The following TTYH1 variants were observed in gnomAD, a reference collection of about 807,000 sequenced individuals.
TTYH1 encodes tweety family member 1, also known as protein tweety homolog 1.
Under a neutral mutation model 61.2 loss-of-function variants are expected in TTYH1, and 33 were observed. The ratio of observed to expected loss-of-function variants is 0.54; its 90% CI spans 0.41 to 0.72. TTYH1 has a LOEUF of 0.72. Among genes scored for constraint, TTYH1 ranks in the 30% least tolerant of loss-of-function variants. The pLI is 0.00. For synonymous variants in TTYH1, 308 were observed against 266.4 expected (o/e 1.16, Z -1.52); for missense variants, 538 against 575.8 (o/e 0.93, Z 0.67).
At position 54,416,304 on chromosome 19, in the gene TTYH1, C is replaced by A. The variant is rs2083077260; in HGVS notation, c.126+626C>A. The A allele has an allele frequency of 7.2e-6, 2 of 275,886 alleles. No homozygotes were observed. Among genetic ancestry groups the A allele is most frequent in the Admixed American group, 4.4e-5 (1 of 22,794 alleles). 17.1% of individuals were successfully genotyped at this position (275,886 alleles called of 1,614,324 possible). A position where few individuals can be genotyped will look rare whatever the true frequency, so the allele number is the denominator to read the frequency against. On this transcript the variant is annotated intron_variant, in intron 1 of 13. Transcript: ENST00000376530. The surrounding 1 kb of genome is among the most constrained non-coding windows in gnomAD (Gnocchi z 7.0). ...TGCAGGGGTGAGGGCCGAGATGAGG[C>A]TGGGTTTGGGGAGCCTCGGGATGAC...
intron 10 of TTYH1, 176 bp downstream of exon 10, chr19:54,431,367 TCTAC>T: frequency 1.7e-6 from 1 of 589,976 alleles, no homozygotes; most frequent in African/African-American, 1.9e-5. Context: ...TAACCTGTCG[TCTAC>T]CTACCTATCA....
At chr19:54,428,147 C>T (rs116943388) in intron 5 of TTYH1, among the ~76,000 whole-genome samples, 4,279 of 131,126 alleles carry the variant, frequency 0.033, 88 homozygotes, top group Middle Eastern at 0.099. Context: ...TGGAGTTCAG[C>T]GGCGCGATCT....
chr19:54,423,588 A>C (rs1212486563), intron 4 of TTYH1, among the ~76,000 whole-genome samples: 1 of 152,056 alleles, frequency 6.6e-6, no homozygotes, highest in Non-Finnish European at 1.5e-5. Flanking sequence ...TACTTTGCAG[A>C]CCTCTGCCTT....
At chr19:54,417,843 C>T (rs2083120830) in intron 1 of TTYH1, among the ~76,000 whole-genome samples, 1 of 152,066 alleles carries the variant, frequency 6.6e-6, no homozygotes, top group Non-Finnish European at 1.5e-5. Context: ...CACTCACAGG[C>T]CCAAGGAACT....
rs566678600 is a variant in TTYH1, at chr19:54,425,275, C to T, written c.639-1398C>T. Among the ~76,000 whole-genome samples the T allele has an allele frequency of 3.9e-4, 60 of 152,224 alleles. No individual in the cohort carries two copies. The East Asian group carries it at 0.011, about 27-fold the overall frequency. ...GCAAACAGCAGTGGTGGACGGCGAG[C>T]GAAAGCTCAGCTCAAGCCGTAACAG... On this transcript the variant is annotated intron_variant, in intron 4 of 13. Coordinates refer to ENST00000376530, the MANE Select transcript of TTYH1 (RefSeq NM_020659.4).
At position 54,430,531 on chromosome 19, in the gene TTYH1, TCTC is replaced by T. The variant is rs770095314; in HGVS notation, c.884-11_884-9del. 35 of 1,613,592 alleles carry T rather than the reference TCTC, an allele frequency of 2.2e-5. No individual in the cohort carries two copies. The Admixed American group carries it at 3.8e-4, about 18-fold the overall frequency. On this transcript the variant is annotated splice_polypyrimidine_tract_variant and intron_variant, in intron 7 of 13. Coordinates refer to ENST00000376530, the MANE Select transcript of TTYH1 (RefSeq NM_020659.4). Reference sequence around the variant, plus strand: ...GGCCCAGGCTCATGGCCTCCTCCCCTCTCCTCCTCCCACTTCAGACATCCTGAG... The same window carrying T: ...GGCCCAGGCTCATGGCCTCCTCCCCTCTCCTCCCACTTCAGACATCCTGAG...
In TTYH1 at chr19:54,415,714, G is replaced by A. The variant is rs2122837610; in HGVS notation, c.126+36G>A. On this transcript the variant is annotated intron_variant, in intron 1 of 13. Transcript: ENST00000376530. The surrounding 1 kb of genome is among the most constrained non-coding windows in gnomAD (Gnocchi z 5.2). ...GCGCCAGGGCCTGGGGGCCAGGGCT[G>A]GGGGCCGGAGCTCCTGGGTCCCGAG... The A allele has an allele frequency of 2.7e-6, 4 of 1,502,234 alleles. No homozygotes were observed. The highest frequency in any genetic ancestry group is 1.3e-5 in the South Asian group (1 of 79,502). 93.1% of individuals were successfully genotyped at this position (1,502,234 alleles called of 1,614,324 possible).
Position 54,435,562 on chromosome 19 carries a change from G to A in TTYH1, c.1146G>A (p.Arg382=). The A allele has an allele frequency of 1.9e-6, 3 of 1,606,830 alleles. No individual in the cohort carries two copies. Among genetic ancestry groups the A allele is most frequent in the African/African-American group, 2.7e-5 (2 of 74,960 alleles). The stretch of plus-strand genomic sequence containing the variant: ...CTCAGGACTATGGTGCAGCCCTGCG[G>A]GGCCTGTGCGAAGACGCCCTGGAAG... The part of the protein sequence containing the change: ...SLHKDYGAAL[R]GLCEDALEGL... Residue 382 remains arginine (R), a synonymous_variant, in exon 11 of 14, where the codon CGG becomes CGA. Transcript: ENST00000376530.
Position 54,419,740 on chromosome 19 carries a change from A to C in TTYH1, c.305+434A>C, listed in dbSNP as rs1044912181. Among the ~76,000 whole-genome samples, 1 of 152,146 alleles carries C rather than the reference A, an allele frequency of 6.6e-6. No homozygotes were observed. The highest frequency in any genetic ancestry group is 2.4e-5 in the African/African-American group (1 of 41,420). ...TCTGACTTGCAGCTACTCTCAGCCA[A>C]CATTAACTGGTGATGTCTGTCATTC... On this transcript the variant is annotated intron_variant, in intron 2 of 13. Coordinates refer to ENST00000376530, the MANE Select transcript of TTYH1 (RefSeq NM_020659.4). The surrounding 1 kb of genome is among the most constrained non-coding windows in gnomAD (Gnocchi z 6.1).
Position 54,419,675 on chromosome 19 carries a change from C to G in TTYH1, c.305+369C>G, listed in dbSNP as rs2083166362. 1 of 501,676 alleles carries G rather than the reference C, an allele frequency of 2.0e-6. No homozygotes were observed. The highest frequency in any genetic ancestry group is 1.7e-5 in the South Asian group (1 of 60,366). 31.1% of individuals were successfully genotyped at this position (501,676 alleles called of 1,614,324 possible). A position where few individuals can be genotyped will look rare whatever the true frequency, so the allele number is the denominator to read the frequency against. On this transcript the variant is annotated intron_variant, in intron 2 of 13. Transcript: ENST00000376530. This position sits in a 1 kb window ranked among gnomAD's most constrained non-coding sequence, Gnocchi z 6.1. ...CTGTAAACTGGGCATTATCATCTCG[C>G]CCACCTCCTGCGGGGGTAAGATGGA...
chr19:54,424,894 G>C (rs1027714760), intron 4 of TTYH1, among the ~76,000 whole-genome samples: 1 of 152,066 alleles, frequency 6.6e-6, no homozygotes, highest in Admixed American at 6.6e-5. Flanking sequence ...CTGTTGTTAC[G>C]GCGGGTCCTT....
Position 54,415,575 on chromosome 19 carries a change from G to A in TTYH1, c.23G>A (p.Arg8Gln), listed in dbSNP as rs908744877. 1.1e-5 allele frequency: 16 copies of A among 1,497,824 alleles called. No individual in the cohort carries two copies. Among genetic ancestry groups the A allele is most frequent in the African/African-American group, 1.4e-5 (1 of 69,258 alleles). The allele number at this position is 1,497,824 out of a possible 1,614,324, so 92.8% of individuals were successfully genotyped here. MGAPPGY[R>Q]PSAWVHLLHQ... ...GCCATGGGGGCGCCCCCGGGCTACC[G>A]GCCCTCAGCTTGGGTGCATCTCCTC... Residue 8 changes from arginine (R) to glutamine (Q), a missense_variant, in exon 1 of 14, where the codon CGG (arginine) becomes CAG (glutamine). Coordinates refer to ENST00000376530, the MANE Select transcript of TTYH1 (RefSeq NM_020659.4). This position sits in a 1 kb window ranked among gnomAD's most constrained non-coding sequence, Gnocchi z 5.2.
rs899266089 is a variant in TTYH1 at position 54,415,499 on chromosome 19, C to G, written c.-54C>G. ...CGCGCCGCCCGCGCCCCGCTCGACT[C>G]CGGAGGCTCCCGCAGCCCCGGCGTC... is the stretch of plus-strand genomic sequence containing the variant. On this transcript the variant is annotated 5_prime_UTR_variant, in exon 1 of 14. Transcript: ENST00000376530. This position sits in a 1 kb window ranked among gnomAD's most constrained non-coding sequence, Gnocchi z 5.2. 6.7e-5 allele frequency: 89 copies of G among 1,332,632 alleles called. No individual in the cohort carries two copies. Among genetic ancestry groups the G allele is most frequent in the Non-Finnish European group, 8.1e-5 (85 of 1,047,404 alleles). The allele number at this position is 1,332,632 out of a possible 1,614,324, so 82.6% of individuals were successfully genotyped here. A position where few individuals can be genotyped will look rare whatever the true frequency, so the allele number is the denominator to read the frequency against.
intron 4 of TTYH1, among the ~76,000 whole-genome samples, chr19:54,423,820 A>T (rs557080879): frequency 1.3e-5 from 2 of 152,164 alleles, no homozygotes; most frequent in Admixed American, 6.6e-5. Context: ...CAAGGGACAA[A>T]CGCAGAGAAA....
chr19:54,422,368 C>A lies in TTYH1; in HGVS notation c.596C>A (p.Pro199His), dbSNP rs1427403004. ...TTCTGGCAGGGAGTGCCCCTGAGCC[C>A]CCTGCAGGTGGCTGAAAATGTGTCC... ...LAFWQGVPLS[P>H]LQVAENVSFV... Residue 199 changes from proline (P) to histidine (H), a missense_variant, in exon 4 of 14, where the codon CCC becomes CAC. This residue lies in a region of TTYH1 where 378 missense variants were observed against 401.2 expected (regional missense o/e 0.94). Coordinates refer to ENST00000376530, the MANE Select transcript of TTYH1 (RefSeq NM_020659.4). The A allele has an allele frequency of 1.3e-6, 2 of 1,574,466 alleles. 1 individual carries two copies. The highest frequency in any genetic ancestry group is 2.3e-5 in the South Asian group (2 of 85,808).
Position 54,429,947 on chromosome 19 carries a change from G to A in TTYH1, c.873G>A (p.Gly291=), listed in dbSNP as rs2083401186. Reference sequence around the variant, plus strand: ...TGAACCTGACCCAGGAGGAGACAGGGCTCAGCTCAGGTGATTTCCAAGGGC... The same window carrying A: ...TGAACCTGACCCAGGAGGAGACAGGACTCAGCTCAGGTGATTTCCAAGGGC... ...YVLNLTQEET[G]LSSDILSYYL... Residue 291 remains glycine (G), a synonymous_variant, in exon 7 of 14, where the codon GGG becomes GGA. Transcript: ENST00000376530. This position sits in a 1 kb window ranked among gnomAD's most constrained non-coding sequence, Gnocchi z 5.1. 2 of 1,613,820 alleles carry A rather than the reference G, an allele frequency of 1.2e-6. No homozygotes were observed. Among genetic ancestry groups the A allele is most frequent in the Non-Finnish European group, 1.7e-6 (2 of 1,179,886 alleles).
rs181428406 is a variant in TTYH1 at position 54,430,745 on chromosome 19, G to A, written c.940-68G>A. ...GGCCAGGGGCCCGAGTGCTGTGTCC[G>A]GAGGAGAGGAGAGAGGGCCGGGGGC... On this transcript the variant is annotated intron_variant, in intron 8 of 13. Coordinates refer to ENST00000376530, the MANE Select transcript of TTYH1 (RefSeq NM_020659.4). 11,577 of 1,585,328 alleles carry A rather than the reference G, an allele frequency of 7.3e-3. 65 individuals are homozygous for A. The highest frequency in any genetic ancestry group is 7.8e-3 in the Non-Finnish European group (9,013 of 1,159,060).
chr19:54,417,192 A>T (rs1219432613), intron 1 of TTYH1, among the ~76,000 whole-genome samples: 1 of 151,886 alleles, frequency 6.6e-6, no homozygotes, highest in Admixed American at 6.6e-5. Context: ...ATGCACACAC[A>T]TATGCACAGG....
rs768140801 is a variant in TTYH1 at position 54,422,341 on chromosome 19, CCTT to C, written c.572_574del (p.Phe191del). On this transcript the variant is annotated inframe_deletion, in exon 4 of 14. Coordinates refer to ENST00000376530, the MANE Select transcript of TTYH1 (RefSeq NM_020659.4). ...GCGGCCCAGCAGCTGCAGGGGCTGG[CCTT>C]CTGGCAGGGAGTGCCCCTGAGCCCC... 27 of 1,572,346 alleles carry C rather than the reference CCTT, an allele frequency of 1.7e-5. No individual in the cohort carries two copies. The highest frequency in any genetic ancestry group is 1.9e-5 in the Non-Finnish European group (22 of 1,160,172).
Sources: allele counts gnomAD v4.1 joint callset (sites outside exome capture counted in the v4.1 genomes callset), GRCh38; gene constraint gnomAD v4.1.1; regional missense constraint gnomAD v4.1.1; non-coding constraint Gnocchi (gnomAD v3.1); transcripts MANE v1.5; gene names NCBI Gene and HGNC (gene_info 2026-07-23, HGNC 2026-07-21).